NTRK3: variants seen among roughly 807,000 people sequenced by gnomAD.
NTRK3 encodes the protein NT-3 growth factor receptor.
In NTRK3, 24 loss-of-function variants were observed where a neutral mutation model predicts 91.7. That is an observed-to-expected ratio of 0.26 (90% CI 0.19 to 0.37). The LOEUF is 0.37. NTRK3 is among the 10% of genes least tolerant of loss of function. The pLI is 1.00. For synonymous variants in NTRK3, 483 were observed against 404.0 expected (o/e 1.20, Z -2.34); for missense variants, 880 against 1,068.9 (o/e 0.82, Z 2.46).
chr15:88,204,104 T>A (rs2141315295), intron 3 of NTRK3, among the ~76,000 whole-genome samples: 1 of 152,300 alleles, frequency 6.6e-6, no homozygotes, highest in Non-Finnish European at 1.5e-5. Context: ...ATTGTTCAAC[T>A]CCCACTTATG....
chr15:87,881,073 G>A (rs28367111), intron 17 of NTRK3, among the ~76,000 whole-genome samples: 4,066 of 152,280 alleles, frequency 0.027, 194 homozygotes, highest in African/African-American at 0.091. Context: ...GCCTAAGGAG[G>A]ATATCAACCA....
In NTRK3 at chr15:87,961,476, T is replaced by A. The variant is rs548424684; in HGVS notation, c.1586-20723A>T. 5.9e-5 allele frequency among the ~76,000 whole-genome samples: 9 copies of A among 152,380 alleles called. No homozygotes were observed. The South Asian group carries it at 1.7e-3, about 28-fold the overall frequency. ...TAATTGATGCCTTAGCTAATAACTT[T>A]CTTAAATGAACAAATATTTTTTGAG... On this transcript the variant is annotated intron_variant, in intron 14 of 18. Coordinates refer to ENST00000394480, the Ensembl canonical transcript of NTRK3.
Position 87,978,221 on chromosome 15 carries a change from G to A in NTRK3, c.1586-37468C>T, listed in dbSNP as rs149425613. On this transcript the variant is annotated intron_variant, in intron 14 of 18. Coordinates refer to ENST00000394480, the Ensembl canonical transcript of NTRK3. The stretch of plus-strand genomic sequence containing the variant: ...GGATCAAGTTGAAAATGGGGGAAGC[G>A]AGCCCCCTCTTTGGGAGAGGGTGGC... The A allele has an allele frequency of 1.5e-3, 354 of 230,768 alleles. 1 individual carries two copies. Among genetic ancestry groups the A allele is most frequent in the African/African-American group, 7.1e-3 (323 of 45,296 alleles). The allele number at this position is 230,768 out of a possible 1,614,324, so 14.3% of individuals were successfully genotyped here.
exon 18 of NTRK3, chr15:87,880,389 G>T (rs1192356629): frequency 6.2e-7 from 1 of 1,614,142 alleles, no homozygotes; most frequent in Non-Finnish European, 8.5e-7. Context: ...ATGCTTTCAG[G>T]AGGCATCCAG....
intron 5 of NTRK3, among the ~76,000 whole-genome samples, chr15:88,169,838 C>T (rs773866692): frequency 6.6e-6 from 1 of 152,202 alleles, no homozygotes; most frequent in Admixed American, 6.5e-5. Flanking sequence ...CTTTCAGCTG[C>T]TGACTTGCAC....
At chr15:88,087,808 G>A (rs144599361) in intron 13 of NTRK3, among the ~76,000 whole-genome samples, 9 of 152,172 alleles carry the variant, frequency 5.9e-5, no homozygotes, top group Non-Finnish European at 1.3e-4. Context: ...CAGCACTTTG[G>A]GAGGTCGAGG....
In NTRK3 at chr15:88,243,724, C is replaced by T. The variant is rs892747979; in HGVS notation, c.248+12182G>A. Among the ~76,000 whole-genome samples the T allele has an allele frequency of 1.3e-5, 2 of 152,178 alleles. No homozygotes were observed. Among genetic ancestry groups the T allele is most frequent in the African/African-American group, 2.4e-5 (1 of 41,450 alleles). Reference sequence around the variant, plus strand: ...TCTTGGCTAAGGCCAACCAGATAGACTGTATGAAAGCATGTCAAAAAGAGT... The same window carrying T: ...TCTTGGCTAAGGCCAACCAGATAGATTGTATGAAAGCATGTCAAAAAGAGT... On this transcript the variant is annotated intron_variant, in intron 3 of 18. Coordinates refer to ENST00000394480, the Ensembl canonical transcript of NTRK3. The surrounding 1 kb of genome is among the most constrained non-coding windows in gnomAD (Gnocchi z 4.8).
chr15:88,137,935 C>T (rs1006814254), intron 6 of NTRK3, among the ~76,000 whole-genome samples: 1 of 152,098 alleles, frequency 6.6e-6, no homozygotes, highest in African/African-American at 2.4e-5. Flanking sequence ...CCTGTAGTCC[C>T]AGCTACTCGG....
At chr15:88,029,452 A>G (rs2078332835) in intron 14 of NTRK3, among the ~76,000 whole-genome samples, 1 of 152,238 alleles carries the variant, frequency 6.6e-6, no homozygotes, top group Non-Finnish European at 1.5e-5. Flanking sequence ...TCCATCAGAA[A>G]GATCCCACTG....
intron 17 of NTRK3, among the ~76,000 whole-genome samples, chr15:87,897,688 A>C (rs1250886056): frequency 1.3e-5 from 2 of 152,230 alleles, no homozygotes; most frequent in Non-Finnish European, 2.9e-5. Context: ...CTGACCCTGC[A>C]TAGCTCAGGT....
At chr15:88,195,557 T>G (rs911429069) in intron 3 of NTRK3, among the ~76,000 whole-genome samples, 1 of 152,212 alleles carries the variant, frequency 6.6e-6, no homozygotes, top group African/African-American at 2.4e-5. Context: ...GCTGTGCCCA[T>G]GGGATTGGGG....
intron 3 of NTRK3, among the ~76,000 whole-genome samples, chr15:88,239,206 G>A (rs991031383): frequency 1.3e-5 from 2 of 151,386 alleles, no homozygotes; most frequent in African/African-American, 4.9e-5. Flanking sequence ...AGCCCTCCAG[G>A]CAGGGGAAGT....
At chr15:88,083,131 TATC>T (rs2048204242) in intron 13 of NTRK3, among the ~76,000 whole-genome samples, 1 of 152,164 alleles carries the variant, frequency 6.6e-6, no homozygotes, top group African/African-American at 2.4e-5. Flanking sequence ...TCAAGAATAG[TATC>T]ACAGAGATCT....
At chr15:88,118,936 A>C (rs2052403630) in intron 13 of NTRK3, among the ~76,000 whole-genome samples, 1 of 152,236 alleles carries the variant, frequency 6.6e-6, no homozygotes, top group Admixed American at 6.5e-5. Flanking sequence ...AGAGCCAAGC[A>C]TAGTGGTCAT....
intron 17 of NTRK3, among the ~76,000 whole-genome samples, chr15:87,895,981 C>A (rs1390204896): frequency 3.3e-5 from 5 of 152,090 alleles, no homozygotes; most frequent in African/African-American, 4.8e-5. Context: ...CTCACCTCCC[C>A]ACGTTGACTT....
intron 14 of NTRK3, among the ~76,000 whole-genome samples, chr15:87,983,503 T>C (rs963842290): frequency 1.3e-5 from 2 of 152,204 alleles, no homozygotes; most frequent in Admixed American, 1.3e-4. Flanking sequence ...TAGATCTATA[T>C]AAGGGAGTGC....
intron 14 of NTRK3, among the ~76,000 whole-genome samples, chr15:87,955,233 C>A (rs1706806692): frequency 6.6e-6 from 1 of 152,202 alleles, no homozygotes; most frequent in Non-Finnish European, 1.5e-5. Flanking sequence ...AGTATAAATT[C>A]AAAGGTCCTC....
intron 13 of NTRK3, among the ~76,000 whole-genome samples, chr15:88,095,442 C>T (rs941004549): frequency 6.6e-6 from 1 of 152,168 alleles, no homozygotes; most frequent in African/African-American, 2.4e-5. Context: ...CCATGGCTCA[C>T]TTACAGGGTG....
intron 3 of NTRK3, chr15:88,252,745 G>A (rs1167529694): frequency 6.6e-6 from 1 of 152,288 alleles, no homozygotes; most frequent in Non-Finnish European, 1.5e-5. Context: ...CAGCTGCAAA[G>A]GCAAAGGGAT....
Sources: allele counts gnomAD v4.1 joint callset (sites outside exome capture counted in the v4.1 genomes callset), GRCh38; gene constraint gnomAD v4.1.1; non-coding constraint Gnocchi (gnomAD v3.1); transcripts MANE v1.5; gene names NCBI Gene and HGNC (gene_info 2026-07-23, HGNC 2026-07-21).